SGCD: variants seen among roughly 807,000 people sequenced by gnomAD.
SGCD encodes sarcoglycan delta.
Under a neutral mutation model 36.6 loss-of-function variants are expected in SGCD, and 18 were observed. The observed-to-expected ratio is 0.49, with a 90% CI of 0.34 to 0.73. SGCD has a LOEUF of 0.73. Among genes scored for constraint, SGCD ranks in the 30% least tolerant of loss-of-function variants. The pLI is 0.01. For synonymous variants in SGCD, 133 were observed against 130.6 expected (o/e 1.02, Z -0.12); for missense variants, 387 against 346.7 (o/e 1.12, Z -0.92).
chr5:156,253,490 A>C (rs1301209567), intron 3 of SGCD, among the ~76,000 whole-genome samples: 2 of 152,202 alleles, frequency 1.3e-5, no homozygotes, highest in African/African-American at 4.8e-5. Context: ...TTATTCACAA[A>C]AAAGTGACAA....
chr5:155,811,535 G>A, the SGCD span, among the ~76,000 whole-genome samples: 1 of 152,150 alleles, frequency 6.6e-6, no homozygotes, highest in Non-Finnish European at 1.5e-5. Flanking sequence ...TTAAGCTGGG[G>A]ACAAGCATCC....
At chr5:156,381,635 A>G (rs1222719851) in intron 3 of SGCD, among the ~76,000 whole-genome samples, 1 of 152,224 alleles carries the variant, frequency 6.6e-6, no homozygotes, top group African/African-American at 2.4e-5. Context: ...TGACACATAT[A>G]GTTGAGCCAT....
chr5:155,757,102 G>C, the SGCD span, among the ~76,000 whole-genome samples: 1 of 152,168 alleles, frequency 6.6e-6, no homozygotes, highest in Non-Finnish European at 1.5e-5. Context: ...TTCTGCCTTG[G>C]CATTGCATAT....
At chr5:155,778,572 G>A in the SGCD span, among the ~76,000 whole-genome samples, 2 of 152,020 alleles carry the variant, frequency 1.3e-5, no homozygotes, top group East Asian at 1.9e-4. Flanking sequence ...CAGAGCCTAC[G>A]CATCTAATTT....
the SGCD span, among the ~76,000 whole-genome samples, chr5:155,763,803 C>A: frequency 6.6e-6 from 1 of 150,582 alleles, no homozygotes; most frequent in Non-Finnish European, 1.5e-5. Context: ...AATGACCCCC[C>A]ACCAAAACCC....
At chr5:155,881,172 A>G (rs1434183819) in intron 1 of SGCD, among the ~76,000 whole-genome samples, 1 of 152,100 alleles carries the variant, frequency 6.6e-6, no homozygotes, top group Non-Finnish European at 1.5e-5. Flanking sequence ...CATAAATAAC[A>G]GGCTTGCACC....
intron 4 of SGCD, among the ~76,000 whole-genome samples, chr5:156,526,945 T>A (rs1171528049): frequency 2.6e-5 from 4 of 152,206 alleles, no homozygotes; most frequent in African/African-American, 9.7e-5. Flanking sequence ...CTTTGGTCGA[T>A]CTCAGTTATA....
chr5:156,575,982 T>G (rs1759927490), intron 4 of SGCD, among the ~76,000 whole-genome samples: 1 of 152,206 alleles, frequency 6.6e-6, no homozygotes, highest in Non-Finnish European at 1.5e-5. Flanking sequence ...CATGCAGGTT[T>G]GTTACATAGG....
intron 1 of SGCD, among the ~76,000 whole-genome samples, chr5:156,028,742 T>A (rs1001169204): frequency 1.6e-4 from 25 of 152,110 alleles, no homozygotes; most frequent in African/African-American, 5.6e-4. Context: ...TGGAGAAAAT[T>A]TTTTCTTTGA....
At chr5:156,556,328 G>A (rs114773891) in intron 4 of SGCD, among the ~76,000 whole-genome samples, 12 of 152,122 alleles carry the variant, frequency 7.9e-5, no homozygotes, top group Non-Finnish European at 1.8e-4. Context: ...CTTTTCTGAA[G>A]GGTCTTTTTC....
At chr5:156,423,222 ATATATTG>A (rs1488657223) in intron 3 of SGCD, among the ~76,000 whole-genome samples, 3 of 3,204 alleles carry the variant, frequency 9.4e-4, no homozygotes, top group East Asian at 0.042. Context: ...ATATAATATA[ATATATTG>A]TATTATATTA....
chr5:155,843,227 G>A, the SGCD span, among the ~76,000 whole-genome samples: 1 of 152,200 alleles, frequency 6.6e-6, no homozygotes, highest in South Asian at 2.1e-4. Context: ...TTTTGTGTGT[G>A]TGTAAAATGA....
chr5:156,128,914 A>G (rs576458399), intron 3 of SGCD, among the ~76,000 whole-genome samples: 24 of 152,344 alleles, frequency 1.6e-4, no homozygotes, highest in Admixed American at 3.9e-4. Flanking sequence ...AATAACATGG[A>G]CAAATCTCAA....
chr5:156,100,267 A>T (rs1370175027), intron 1 of SGCD, among the ~76,000 whole-genome samples: 1 of 152,056 alleles, frequency 6.6e-6, no homozygotes, highest in African/African-American at 2.4e-5. Context: ...AGAAGCTGAC[A>T]AAAACTAGGA....
chr5:156,629,119 A>T (rs550513571), intron 6 of SGCD, among the ~76,000 whole-genome samples: 1 of 152,208 alleles, frequency 6.6e-6, no homozygotes, highest in South Asian at 2.1e-4. Context: ...TGTTATAATG[A>T]TTAAATAAAA....
chr5:156,278,862 G>T (rs1384133057), intron 3 of SGCD, among the ~76,000 whole-genome samples: 1 of 152,122 alleles, frequency 6.6e-6, no homozygotes, highest in Non-Finnish European at 1.5e-5. Flanking sequence ...CCATAGGAGG[G>T]ACTGAATTTT....
intron 3 of SGCD, among the ~76,000 whole-genome samples, chr5:156,149,003 A>G (rs1762772650): frequency 6.6e-6 from 1 of 152,130 alleles, no homozygotes; most frequent in South Asian, 2.1e-4. Flanking sequence ...GTTTGTTTTC[A>G]TATTCCAGCC....
intron 1 of SGCD, among the ~76,000 whole-genome samples, chr5:155,989,607 C>T (rs547074793): frequency 6.6e-6 from 1 of 152,156 alleles, no homozygotes; most frequent in Non-Finnish European, 1.5e-5. Context: ...GTACAAATTA[C>T]TAACTGCTAT....
intron 3 of SGCD, among the ~76,000 whole-genome samples, chr5:156,209,118 G>C (rs1235766710): frequency 6.6e-6 from 1 of 152,116 alleles, no homozygotes; most frequent in Non-Finnish European, 1.5e-5. Flanking sequence ...CACAGCCACA[G>C]ATTCCAGGAT....
Sources: allele counts gnomAD v4.1 joint callset (sites outside exome capture counted in the v4.1 genomes callset), GRCh38; gene constraint gnomAD v4.1.1; transcripts MANE v1.5; gene names NCBI Gene and HGNC (gene_info 2026-07-23, HGNC 2026-07-21).